The following ABCC10 variants were observed in gnomAD, a reference collection of about 807,000 sequenced individuals.
The protein encoded by ABCC10 is ATP-binding cassette sub-family C member 10.
In ABCC10, 110 loss-of-function variants were observed where a neutral mutation model predicts 143.2. The observed-to-expected ratio is 0.77, with a 90% CI of 0.66 to 0.90. The LOEUF (loss-of-function observed/expected upper bound fraction) is 0.90, where lower values mean the gene tolerates loss of function less well. ABCC10 is among the 40% of genes least tolerant of loss of function. The pLI is 0.00. For missense variants in ABCC10, 1,700 were observed against 1,900.5 expected, an observed-to-expected ratio of 0.89 and a Z score of 1.96; for synonymous variants, 805 against 846.7, an observed-to-expected ratio of 0.95 and a Z score of 0.85.
At position 43,446,322 on chromosome 6, in the gene ABCC10, C is replaced by G. The variant is rs1179328673; in HGVS notation, c.3420C>G (p.Cys1140Trp). 9 of 1,613,966 alleles carry G rather than the reference C, an allele frequency of 5.6e-6. No individual in the cohort carries two copies. The highest frequency in any genetic ancestry group is 7.6e-6 in the Non-Finnish European group (9 of 1,179,942). The change falls in exon 16 of 22, where the codon TGC (cysteine) becomes TGG (tryptophan). Residue 1140 changes from cysteine (C) to tryptophan (W), a missense_variant. Physicochemically the swap from Cys to Trp is radical, Grantham distance 215. Coordinates refer to ENST00000372530, the MANE Select transcript of ABCC10 (RefSeq NM_001198934.2). The stretch of plus-strand genomic sequence containing the variant: ...GACTCCTTGAGCTAAACCAGAGGTG[C>G]CAGTTTGCCACCAGTGCCACAATGC... ...NLRLLELNQR[C>W]QFATSATMQW... is the part of the protein sequence containing the mutation.
chr6:43,438,435 C>A, intron 7 of ABCC10, 189 bp from the exon 8 acceptor site: 1 of 1,430,034 alleles, frequency 7.0e-7, no homozygotes. Flanking sequence ...GCTATTTCTT[C>A]CCTTCTTCGC....
At position 43,427,969 on chromosome 6, in the gene ABCC10, T is replaced by C. The variant is rs557498481; in HGVS notation, c.-10T>C. 9.9e-6 allele frequency: 16 copies of C among 1,612,118 alleles called. No homozygotes were observed. Among genetic ancestry groups the C allele is most frequent in the Middle Eastern group, 1.6e-4 (1 of 6,062 alleles). ...CGTCACCCTCAACTTTCCCTTCAGG[T>C]GAGGCGTCCATGGAACGACTTCTGG... On this transcript the variant is annotated splice_region_variant and 5_prime_UTR_variant, in exon 2 of 22. It removes the in-frame stop codon of an upstream open reading frame in the 5' UTR. Transcript: ENST00000372530.
downstream of ABCC10, chr6:43,451,841 C>T: frequency 1.3e-6 from 2 of 1,509,472 alleles, no homozygotes; most frequent in Non-Finnish European, 1.8e-6. The surrounding 1 kb of genome is among the most constrained non-coding windows in gnomAD (Gnocchi z 4.4). Context: ...GTGGGTCTGA[C>T]TCTCAGTCCC....
chr6:43,430,536 A>C (rs1781015932), intron 2 of ABCC10, among the ~76,000 whole-genome samples: 1 of 148,760 alleles, frequency 6.7e-6, no homozygotes, highest in Non-Finnish European at 1.5e-5. Flanking sequence ...CGGAGGTTGC[A>C]GCGAGCTGAG....
Position 43,437,982 on chromosome 6 carries a change from C to T in ABCC10, c.1924C>T (p.Leu642=), listed in dbSNP as rs370880988. The T allele has an allele frequency of 9.3e-6, 15 of 1,613,286 alleles. No individual in the cohort carries two copies. In the Admixed American group the frequency reaches 2.2e-4, roughly 23 times the overall value. Residue 642 remains leucine (L), a synonymous_variant, in exon 7 of 22, where the codon CTG becomes TTG. Coordinates refer to ENST00000372530, the MANE Select transcript of ABCC10 (RefSeq NM_001198934.2). ...VGKVGCGKSS[L]LAAIAGELHR... ...GAAGGTCGGCTGTGGGAAGAGCTCC[C>T]TGCTGGCTGCCATCGCTGGAGAGCT...
downstream of ABCC10, chr6:43,451,843 C>A: frequency 6.6e-7 from 1 of 1,513,270 alleles, no homozygotes; most frequent in South Asian, 1.3e-5. The surrounding 1 kb of genome is among the most constrained non-coding windows in gnomAD (Gnocchi z 4.4). Flanking sequence ...GGGTCTGACT[C>A]TCAGTCCCCC....
intron 4 of ABCC10, among the ~76,000 whole-genome samples, chr6:43,435,391 G>T (rs889199904): frequency 6.6e-6 from 1 of 152,114 alleles, no homozygotes; most frequent in African/African-American, 2.4e-5. Flanking sequence ...AAATTAACCA[G>T]GTGTGGTGAT....
Position 43,446,362 on chromosome 6 carries a change from C to G in ABCC10, c.3460C>G (p.Arg1154Gly). 6.2e-7 allele frequency: 1 copy of G among 1,613,756 alleles called. No homozygotes were observed. The highest frequency in any genetic ancestry group is 8.5e-7 in the Non-Finnish European group (1 of 1,179,934). Residue 1154 changes from arginine to glycine, a missense_variant, in exon 16 of 22, where the codon CGG (arginine) becomes GGG (glycine). Coordinates refer to ENST00000372530, the MANE Select transcript of ABCC10 (RefSeq NM_001198934.2). Reference sequence around the variant, plus strand: ...TGCCACAATGCAGTGGCTGGACATTCGGCTACAGCTCATGGGGGCGGCAGT... The same window carrying G: ...TGCCACAATGCAGTGGCTGGACATTGGGCTACAGCTCATGGGGGCGGCAGT... ...TSATMQWLDI[R>G]LQLMGAAVVS...
Position 43,445,446 on chromosome 6 carries a change from ATC to A in ABCC10, c.3030+138_3030+139del, listed in dbSNP as rs1782947074. ...GGATATTCTTCCTCAACCTCTGCCA[ATC>A]TCTCTTCTCTGCCCCCAAATTCTGG... On this transcript the variant is annotated intron_variant, in intron 14 of 21. Coordinates refer to ENST00000372530, the MANE Select transcript of ABCC10 (RefSeq NM_001198934.2). 3.0e-6 allele frequency: 4 copies of A among 1,353,438 alleles called. No homozygotes were observed. The Admixed American group carries it at 8.7e-5, about 29-fold the overall frequency. 83.8% of individuals were successfully genotyped at this position (1,353,438 alleles called of 1,614,324 possible).
Position 43,444,956 on chromosome 6 carries a change from G to C in ABCC10, c.2840+18G>C. On this transcript the variant is annotated intron_variant, in intron 13 of 21. Coordinates refer to ENST00000372530, the MANE Select transcript of ABCC10 (RefSeq NM_001198934.2). ...AACCTCTAGTGAGTGGCTGGGGCTG[G>C]GGGTAGGCCTGGTGCTCTCAGAGTG... The C allele has an allele frequency of 6.2e-7, 1 of 1,601,894 alleles. No individual in the cohort carries two copies. The highest frequency in any genetic ancestry group is 8.5e-7 in the Non-Finnish European group (1 of 1,173,636).
rs1436339901 is a variant in ABCC10 at position 43,436,172 on chromosome 6, G to A, written c.1800G>A (p.Leu600=). The change falls in exon 6 of 22, where the codon CTG becomes CTA. Residue 600 remains leucine, a synonymous_variant. Transcript: ENST00000372530. ...CAGAGCCATCTACAGTATTGGAGCT[G>A]CATGGAGCCTTGTTCTCCTGGGACC... ...PPAEPSTVLE[L]HGALFSWDPV... The A allele has an allele frequency of 6.2e-7, 1 of 1,614,118 alleles. No individual in the cohort carries two copies. The highest frequency in any genetic ancestry group is 2.2e-5 in the East Asian group (1 of 44,904).
downstream of ABCC10, chr6:43,451,071 C>T (rs1783702839): frequency 3.7e-6 from 6 of 1,614,092 alleles, no homozygotes; most frequent in African/African-American, 1.3e-5. This position sits in a 1 kb window ranked among gnomAD's most constrained non-coding sequence, Gnocchi z 4.4. Context: ...GGTGCAGAAG[C>T]GTCCAGCAAA....
chr6:43,438,069 C>T (rs1781948666), intron 7 of ABCC10, 56 bp downstream of exon 7: 2 of 1,551,714 alleles, frequency 1.3e-6, no homozygotes, highest in East Asian at 4.7e-5. Flanking sequence ...AAACACTGAG[C>T]CCCTCTTATG....
chr6:43,432,156 T>A lies in ABCC10; in HGVS notation c.176T>A (p.Ile59Asn). Residue 59 changes from isoleucine to asparagine, a missense_variant, in exon 3 of 22, where the codon ATC (isoleucine) becomes AAC (asparagine). By Grantham distance (149) the Ile-to-Asn change is moderately radical. Coordinates refer to ENST00000372530, the MANE Select transcript of ABCC10 (RefSeq NM_001198934.2). ...CTTGTCCCCAGGAGTCCAGATTACA[T>A]CCTACCCTGCAGTCCTGGATGGCGC... ...YLGTPRSPDY[I>N]LPCSPGWRLR... 3.7e-6 allele frequency: 6 copies of A among 1,614,188 alleles called. No homozygotes were observed. Among genetic ancestry groups the A allele is most frequent in the Non-Finnish European group, 5.1e-6 (6 of 1,180,018 alleles).
Position 43,450,388 on chromosome 6 carries a change from T to C in ABCC10, c.*297T>C. 9.3e-7 allele frequency: 1 copy of C among 1,071,098 alleles called. No individual in the cohort carries two copies. The highest frequency in any genetic ancestry group is 1.3e-6 in the Non-Finnish European group (1 of 773,424). 66.3% of individuals were successfully genotyped at this position (1,071,098 alleles called of 1,614,324 possible). ...TAGTTTTATTTGATAAAATTCCATC[T>C]TACATTCTGTGTATTAAAAAAATAA... On this transcript the variant is annotated 3_prime_UTR_variant, in exon 22 of 22. Transcript: ENST00000372530. The surrounding 1 kb of genome is among the most constrained non-coding windows in gnomAD (Gnocchi z 4.5).
At chr6:43,434,103 C>G (rs1781423841) in intron 3 of ABCC10, among the ~76,000 whole-genome samples, 1 of 152,242 alleles carries the variant, frequency 6.6e-6, no homozygotes, top group Non-Finnish European at 1.5e-5. Context: ...AGTTTTGGCC[C>G]TTGCCCATCT....
chr6:43,431,217 A>G (rs1031870239), intron 2 of ABCC10, among the ~76,000 whole-genome samples: 2 of 152,228 alleles, frequency 1.3e-5, no homozygotes, highest in African/African-American at 4.8e-5. Flanking sequence ...AGTTTAGGCT[A>G]CCATATTAGA....
rs540014972 is a variant in ABCC10 at position 43,450,374 on chromosome 6, G to C, written c.*283G>C. 4.4e-5 allele frequency: 45 copies of C among 1,030,048 alleles called. No homozygotes were observed. The highest frequency in any genetic ancestry group is 5.7e-5 in the Non-Finnish European group (42 of 741,140). The allele number at this position is 1,030,048 out of a possible 1,614,324, so 63.8% of individuals were successfully genotyped here. On this transcript the variant is annotated 3_prime_UTR_variant, in exon 22 of 22. Transcript: ENST00000372530. The surrounding 1 kb of genome is among the most constrained non-coding windows in gnomAD (Gnocchi z 4.5). ...CACTTGCATTTTCATAGTTTTATTT[G>C]ATAAAATTCCATCTTACATTCTGTG...
chr6:43,438,546 C>G, intron 7 of ABCC10, 78 bp from the exon 8 acceptor site: 3 of 1,552,562 alleles, frequency 1.9e-6, no homozygotes, highest in Non-Finnish European at 1.7e-6. Flanking sequence ...CCTGGGGAGG[C>G]TTCTAGGAGT....
Sources: allele counts gnomAD v4.1 joint callset (sites outside exome capture counted in the v4.1 genomes callset), GRCh38; gene constraint gnomAD v4.1.1; non-coding constraint Gnocchi (gnomAD v3.1); transcripts MANE v1.5; gene names NCBI Gene and HGNC (gene_info 2026-07-23, HGNC 2026-07-21).